CCDC172: variants seen among roughly 807,000 people sequenced by gnomAD.
The protein encoded by CCDC172 is coiled-coil domain-containing protein 172.
In CCDC172, 30 loss-of-function variants were observed where a neutral mutation model predicts 38.0. That is an observed-to-expected ratio of 0.79 (90% CI 0.59 to 1.07). The LOEUF (loss-of-function observed/expected upper bound fraction) is 1.07, where lower values mean the gene tolerates loss of function less well. Among genes scored for constraint, CCDC172 ranks in the 50% least tolerant of loss-of-function variants. The pLI, the probability that CCDC172 is intolerant of heterozygous loss-of-function variation, is 0.00. For missense variants in CCDC172, 297 were observed against 290.1 expected, an observed-to-expected ratio of 1.02 and a Z score of -0.17; for synonymous variants, 78 against 88.3, an observed-to-expected ratio of 0.88 and a Z score of 0.66.
chr10:116,360,440 A>T (rs1450675422), intron 7 of CCDC172, among the ~76,000 whole-genome samples: 1 of 152,202 alleles, frequency 6.6e-6, no homozygotes, highest in Admixed American at 6.5e-5. Flanking sequence ...CACTACGAAA[A>T]GATTAAAGTT....
intron 7 of CCDC172, among the ~76,000 whole-genome samples, chr10:116,371,481 G>C (rs1845184851): frequency 6.6e-6 from 1 of 151,716 alleles, no homozygotes; most frequent in South Asian, 2.1e-4. Context: ...AGTATTCATA[G>C]ACATGTGTAT....
intron 3 of CCDC172, among the ~76,000 whole-genome samples, chr10:116,334,386 A>C (rs1325983261): frequency 1.3e-5 from 2 of 152,206 alleles, no homozygotes; most frequent in Non-Finnish European, 2.9e-5. Context: ...TATTCCAAAA[A>C]TAGAAATTGG....
At chr10:116,347,822 T>C (rs1844885699) in intron 5 of CCDC172, among the ~76,000 whole-genome samples, 2 of 152,148 alleles carry the variant, frequency 1.3e-5, no homozygotes, top group Non-Finnish European at 2.9e-5. Context: ...TTTCTATGTT[T>C]AGTTGCATCC....
At chr10:116,337,357 G>A (rs1348230501) in intron 3 of CCDC172, among the ~76,000 whole-genome samples, 1 of 151,972 alleles carries the variant, frequency 6.6e-6, no homozygotes, top group Non-Finnish European at 1.5e-5. Context: ...TCACCATGTT[G>A]GCCAGGCTGG....
intron 7 of CCDC172, 139 bp from the exon 8 acceptor site, chr10:116,378,284 A>G: frequency 1.2e-6 from 1 of 860,940 alleles, no homozygotes; most frequent in Non-Finnish European, 1.7e-6. Flanking sequence ...TTATGGAATT[A>G]TAGATAATTA....
At chr10:116,328,695 TATTGAA>T (rs2134900791) in intron 3 of CCDC172, among the ~76,000 whole-genome samples, 1 of 152,258 alleles carries the variant, frequency 6.6e-6, no homozygotes, top group South Asian at 2.1e-4. Context: ...AGGAAAATTG[TATTGAA>T]ATTAAAAAGT....
chr10:116,342,794 G>A (rs1844812267), intron 5 of CCDC172, among the ~76,000 whole-genome samples: 1 of 152,118 alleles, frequency 6.6e-6, no homozygotes, highest in Non-Finnish European at 1.5e-5. Flanking sequence ...AGATTTGGTT[G>A]TTTAAAAGTA....
chr10:116,346,034 G>A (rs1008499915), intron 5 of CCDC172, among the ~76,000 whole-genome samples: 6 of 152,036 alleles, frequency 3.9e-5, no homozygotes, highest in African/African-American at 9.7e-5. Context: ...TTAAATGTCC[G>A]TTAAGAAGTG....
intron 5 of CCDC172, among the ~76,000 whole-genome samples, chr10:116,346,310 A>G (rs956981658): frequency 6.6e-6 from 1 of 151,702 alleles, no homozygotes; most frequent in Non-Finnish European, 1.5e-5. Flanking sequence ...AAAAAAAAAA[A>G]AGGAAGTAAA....
chr10:116,356,388 GAGGA>G (rs542807297), intron 5 of CCDC172, among the ~76,000 whole-genome samples: 164 of 144,158 alleles, frequency 1.1e-3, no homozygotes, highest in Non-Finnish European at 1.8e-3. Context: ...GGGAGGGAGG[GAGGA>G]AGGAAGGAAG....
intron 4 of CCDC172, 96 bp from the exon 5 acceptor site, chr10:116,341,940 A>G: frequency 2.3e-6 from 2 of 867,328 alleles, no homozygotes; most frequent in Non-Finnish European, 1.5e-6. Flanking sequence ...ATATACTTTC[A>G]TTGTTAATAA....
At position 116,379,496 on chromosome 10, in the gene CCDC172, T is replaced by C; in HGVS notation, c.*138T>C. The C allele has an allele frequency of 2.1e-6, 1 of 472,414 alleles. No homozygotes were observed. Among genetic ancestry groups the C allele is most frequent in the Non-Finnish European group, 3.7e-6 (1 of 270,590 alleles). 29.3% of individuals were successfully genotyped at this position (472,414 alleles called of 1,614,324 possible). A position where few individuals can be genotyped will look rare whatever the true frequency, so the allele number is the denominator to read the frequency against. ...GGGTTTAAAATATTCAAATTGTTAT[T>C]ATCTAGAAATGATGTGTTAGCCCTT... On this transcript the variant is annotated 3_prime_UTR_variant, in exon 9 of 9. Transcript: ENST00000333254.
At chr10:116,360,139 T>G (rs1845045454) in intron 7 of CCDC172, among the ~76,000 whole-genome samples, 2 of 152,236 alleles carry the variant, frequency 1.3e-5, no homozygotes, top group Admixed American at 6.5e-5. Flanking sequence ...TTATAGAATA[T>G]TGCTATGATT....
intron 7 of CCDC172, among the ~76,000 whole-genome samples, chr10:116,369,488 CTTTCCGTTTTTTATTTAACAA>C (rs1845161298): frequency 6.6e-6 from 1 of 151,902 alleles, no homozygotes; most frequent in South Asian, 2.1e-4. Context: ...TCTTTTGTAT[CTTTCCGTTTTTTATTTAACAA>C]TATATCCTGG....
intron 4 of CCDC172, 87 bp downstream of exon 4, chr10:116,340,937 T>G: frequency 1.2e-6 from 1 of 801,202 alleles, no homozygotes; most frequent in Non-Finnish European, 2.2e-6. Context: ...TAGAAAATTA[T>G]CCATGTGCAT....
rs1339066295 is a variant in CCDC172, at chr10:116,378,426, TA to T, written c.663del (p.Glu222AsnfsTer2). On this transcript the variant is annotated frameshift_variant, in exon 8 of 9. Transcript: ENST00000333254. LOFTEE classifies it high-confidence loss of function. Reference sequence around the variant, plus strand: ...GTGAAATTTTCTTTTAAAATAGACTTAAAAAAGAATTAGAACTTTATAAGGA... The same window carrying T: ...GTGAAATTTTCTTTTAAAATAGACTTAAAAAGAATTAGAACTTTATAAGGA... Reference protein sequence around the residue: ...PQNDTECLRLKKELELYKEDD... With the variant: ...PQNDTECLRLXKELELYKEDD... 1.9e-6 allele frequency: 3 copies of T among 1,589,080 alleles called. No homozygotes were observed. The highest frequency in any genetic ancestry group is 1.8e-5 in the Admixed American group (1 of 54,504).
chr10:116,357,394 G>T lies in CCDC172; in HGVS notation c.463G>T (p.Glu155Ter). ...TCTGTTTCTAGAAATGAAGTCAATGGAACATGATAGTAGCCAGTTAAATGA... is the reference window on the plus strand; with the variant it reads ...TCTGTTTCTAGAAATGAAGTCAATGTAACATGATAGTAGCCAGTTAAATGA... The part of the protein sequence containing the change: ...NMLKSEMKSM[E>*]HDSSQLNELQ... Residue 155 changes from glutamate to a stop codon, truncating the protein, a stop_gained, in exon 6 of 9, where the codon GAA becomes TAA. Transcript: ENST00000333254. LOFTEE classifies it high-confidence loss of function. The T allele has an allele frequency of 6.4e-7, 1 of 1,562,888 alleles. No homozygotes were observed. Among genetic ancestry groups the T allele is most frequent in the South Asian group, 1.2e-5 (1 of 83,154 alleles).
intron 3 of CCDC172, among the ~76,000 whole-genome samples, chr10:116,325,869 T>G (rs149133315): frequency 1.3e-5 from 2 of 152,326 alleles, no homozygotes; most frequent in Admixed American, 6.5e-5. Flanking sequence ...TTTCTCTCTT[T>G]CCTGCAGCGT....
rs1438188112 is a variant in CCDC172 at position 116,325,208 on chromosome 10, T to C, written c.80-95T>C. 3.4e-6 allele frequency: 5 copies of C among 1,462,422 alleles called. No homozygotes were observed. The African/African-American group carries it at 7.0e-5, about 20-fold the overall frequency. 90.6% of individuals were successfully genotyped at this position (1,462,422 alleles called of 1,614,324 possible). On this transcript the variant is annotated intron_variant, in intron 2 of 8. Coordinates refer to ENST00000333254, the MANE Select transcript of CCDC172 (RefSeq NM_198515.3). ...CGTTAGGGGAGCTTGCATGCCATGC[T>C]GAGGGAAAGACAACTGAAAGGTGGC...
Sources: gnomAD v4.1 joint callset for allele counts (sites outside exome capture counted in the v4.1 genomes callset) on GRCh38, gnomAD v4.1.1 for gene constraint, MANE v1.5 for transcripts, NCBI Gene and HGNC (gene_info 2026-07-23, HGNC 2026-07-21) for gene names.